Variants in GRIK1 observed in about 807,000 individuals in gnomAD.
The protein encoded by GRIK1 is glutamate receptor ionotropic, kainate 1.
In GRIK1, 69 loss-of-function variants were observed where a neutral mutation model predicts 105.7. That is an observed-to-expected ratio of 0.65 (90% CI 0.54 to 0.80). The LOEUF (loss-of-function observed/expected upper bound fraction) is 0.80. Ranked by LOEUF, GRIK1 falls within the 30% of genes least tolerant of loss-of-function variation. The pLI is 0.00. For missense variants in GRIK1, 1,109 were observed against 1,167.3 expected, an observed-to-expected ratio of 0.95 and a Z score of 0.73; for synonymous variants, 438 against 431.3, an observed-to-expected ratio of 1.02 and a Z score of -0.19.
intron 1 of GRIK1, among the ~76,000 whole-genome samples, chr21:29,705,520 T>C (rs2063888215): frequency 6.6e-6 from 1 of 152,232 alleles, no homozygotes; most frequent in Admixed American, 6.5e-5. Context: ...TTTGAAAAGT[T>C]TGATCTGTAG....
At chr21:29,664,996 A>C (rs2063032748) in intron 4 of GRIK1, among the ~76,000 whole-genome samples, 1 of 152,186 alleles carries the variant, frequency 6.6e-6, no homozygotes, top group Non-Finnish European at 1.5e-5. Flanking sequence ...TTTCTTCTAA[A>C]GTTCCCCTGC....
intron 1 of GRIK1, among the ~76,000 whole-genome samples, chr21:29,753,757 A>C (rs2065264908): frequency 6.6e-6 from 1 of 152,230 alleles, no homozygotes; most frequent in Non-Finnish European, 1.5e-5. Context: ...GGTGTATGAA[A>C]TATTTTTAGG....
chr21:29,751,960 A>G (rs910234150), intron 1 of GRIK1, among the ~76,000 whole-genome samples: 1 of 152,216 alleles, frequency 6.6e-6, no homozygotes, highest in African/African-American at 2.4e-5. Flanking sequence ...GGGTGTCACC[A>G]TTTTAATTGC....
At chr21:29,856,096 A>AT (rs2068455550) in intron 1 of GRIK1, among the ~76,000 whole-genome samples, 1 of 152,158 alleles carries the variant, frequency 6.6e-6, no homozygotes, top group African/African-American at 2.4e-5. Context: ...TCTGGGGTAC[A>AT]AGTAGTGTTG....
intron 3 of GRIK1, among the ~76,000 whole-genome samples, chr21:29,685,494 G>T (rs144099641): frequency 4.6e-5 from 7 of 151,888 alleles, no homozygotes; most frequent in African/African-American, 1.7e-4. Flanking sequence ...ATTAGCACTT[G>T]CTTATTTGCT....
chr21:29,773,578 A>G (rs2065866720), intron 1 of GRIK1, among the ~76,000 whole-genome samples: 1 of 152,154 alleles, frequency 6.6e-6, no homozygotes, highest in South Asian at 2.1e-4. Context: ...CATCAAACAT[A>G]GGCAGTAACT....
At chr21:29,837,947 G>C (rs1471881687) in intron 1 of GRIK1, among the ~76,000 whole-genome samples, 1 of 152,064 alleles carries the variant, frequency 6.6e-6, no homozygotes, top group Non-Finnish European at 1.5e-5. Flanking sequence ...ATTCTAAGTA[G>C]AAATGCAAAT....
At chr21:29,900,788 C>T (rs890391014) in intron 1 of GRIK1, among the ~76,000 whole-genome samples, 4 of 152,104 alleles carry the variant, frequency 2.6e-5, no homozygotes, top group African/African-American at 9.7e-5. Flanking sequence ...CCAAGCAGAC[C>T]TAATAGACAT....
chr21:29,877,481 A>G (rs2069230808), intron 1 of GRIK1, among the ~76,000 whole-genome samples: 1 of 152,170 alleles, frequency 6.6e-6, no homozygotes, highest in South Asian at 2.1e-4. Context: ...ACTAAATTTT[A>G]TAGAATGAAA....
chr21:29,608,181 G>A (rs1601252017), intron 7 of GRIK1, among the ~76,000 whole-genome samples: 1 of 152,058 alleles, frequency 6.6e-6, no homozygotes, highest in East Asian at 1.9e-4. Flanking sequence ...TTTTGGTTTT[G>A]CCACTTTGAA....
chr21:29,728,098 G>A (rs1370630798), intron 1 of GRIK1, among the ~76,000 whole-genome samples: 1 of 152,126 alleles, frequency 6.6e-6, no homozygotes, highest in Non-Finnish European at 1.5e-5. Flanking sequence ...TCTTCTCCAG[G>A]AACACCCAGA....
chr21:29,797,577 C>T (rs2066593311), intron 1 of GRIK1, among the ~76,000 whole-genome samples: 1 of 152,094 alleles, frequency 6.6e-6, no homozygotes, highest in Non-Finnish European at 1.5e-5. Flanking sequence ...CATCACACAG[C>T]CTCGTAATTT....
chr21:29,552,879 C>T (rs2090158182), intron 16 of GRIK1, among the ~76,000 whole-genome samples: 1 of 152,058 alleles, frequency 6.6e-6, no homozygotes, highest in Non-Finnish European at 1.5e-5. Context: ...TGACTGTGTT[C>T]TGTTTCCATG....
At chr21:29,847,773 A>G (rs1020608310) in intron 1 of GRIK1, among the ~76,000 whole-genome samples, 1 of 151,990 alleles carries the variant, frequency 6.6e-6, no homozygotes, top group African/African-American at 2.4e-5. Context: ...CCACTTTTCC[A>G]TTGGTTGCAT....
At chr21:29,927,502 T>A (rs1007085166) in intron 1 of GRIK1, among the ~76,000 whole-genome samples, 3 of 150,082 alleles carry the variant, frequency 2.0e-5, no homozygotes, top group Non-Finnish European at 3.0e-5. Flanking sequence ...ATGCTTATAA[T>A]ATATATATAA....
rs551989529 is a variant in GRIK1 at position 29,896,561 on chromosome 21, A to G, written c.118+42822T>C. On this transcript the variant is annotated intron_variant, in intron 1 of 17. Transcript: ENST00000327783. ...TTGAATGAATGAATTTTATATATACATTGCTTATCACAGTATCTGACATAT... is the reference window on the plus strand; with the variant it reads ...TTGAATGAATGAATTTTATATATACGTTGCTTATCACAGTATCTGACATAT... 1.6e-3 allele frequency among the ~76,000 whole-genome samples: 251 copies of G among 152,302 alleles called. 1 individual carries two copies. Among genetic ancestry groups the G allele is most frequent in the African/African-American group, 5.7e-3 (239 of 41,584 alleles).
intron 16 of GRIK1, among the ~76,000 whole-genome samples, chr21:29,541,261 C>A (rs150300922): frequency 6.6e-6 from 1 of 152,284 alleles, no homozygotes; most frequent in East Asian, 1.9e-4. Context: ...CCACCGTGTC[C>A]GGCCTACAAG....
At chr21:29,863,375 G>T (rs1264105593) in intron 1 of GRIK1, among the ~76,000 whole-genome samples, 1 of 152,076 alleles carries the variant, frequency 6.6e-6, no homozygotes, top group Admixed American at 6.6e-5. Context: ...AAATCAGTTT[G>T]TACTCTATAG....
At chr21:29,696,492 T>G (rs1408144090) in intron 1 of GRIK1, among the ~76,000 whole-genome samples, 1 of 152,238 alleles carries the variant, frequency 6.6e-6, no homozygotes, top group Non-Finnish European at 1.5e-5. Flanking sequence ...GAACTGTTGG[T>G]GGATGCTCAA....
Sources: allele counts gnomAD v4.1 joint callset (sites outside exome capture counted in the v4.1 genomes callset), GRCh38; gene constraint gnomAD v4.1.1; transcripts MANE v1.5; gene names NCBI Gene and HGNC (gene_info 2026-07-23, HGNC 2026-07-21).